TENM3: variants seen among roughly 807,000 people sequenced by gnomAD.
The protein encoded by TENM3 is teneurin transmembrane protein 3.
A neutral mutation model predicts 255.1 loss-of-function variants in TENM3; 63 were observed. The ratio of observed to expected loss-of-function variants is 0.25; its 90% CI spans 0.20 to 0.30. The LOEUF (loss-of-function observed/expected upper bound fraction) is 0.30, where lower values mean the gene tolerates loss of function less well. TENM3 is among the 10% of genes least tolerant of loss of function. The pLI is 1.00. For missense variants in TENM3, 2,929 were observed against 3,461.1 expected, an observed-to-expected ratio of 0.85 and a Z score of 3.86; for synonymous variants, 1,306 against 1,322.3, an observed-to-expected ratio of 0.99 and a Z score of 0.27.
chr4:182,204,237 A>C (rs371322226), intron 1 of TENM3, among the ~76,000 whole-genome samples: 24 of 152,308 alleles, frequency 1.6e-4, no homozygotes, highest in African/African-American at 5.5e-4. Flanking sequence ...TACAGATTTC[A>C]AATGGTGGTG....
At chr4:181,572,960 T>C in the TENM3 span, among the ~76,000 whole-genome samples, 1 of 152,152 alleles carries the variant, frequency 6.6e-6, no homozygotes, top group African/African-American at 2.4e-5. Flanking sequence ...GGTTTTAACT[T>C]TTAGCTCCCA....
chr4:182,431,015 A>AT (rs772863245), intron 3 of TENM3, among the ~76,000 whole-genome samples: 1 of 78,454 alleles, frequency 1.3e-5, no homozygotes, highest in Non-Finnish European at 2.6e-5. Flanking sequence ...CCATCTCTAA[A>AT]TAAATAAATA....
chr4:182,766,535 T>A (rs1763734233), intron 22 of TENM3, among the ~76,000 whole-genome samples: 1 of 152,186 alleles, frequency 6.6e-6, no homozygotes, highest in South Asian at 2.1e-4. Context: ...CATTATCACT[T>A]TGTCAGTTCT....
the TENM3 span, among the ~76,000 whole-genome samples, chr4:182,101,114 A>AGAAG: frequency 4.1e-4 from 2 of 4,890 alleles, no homozygotes; most frequent in Non-Finnish European, 6.5e-4. Context: ...GAGGAAGGAA[A>AGAAG]GAAGGAAGGA....
chr4:181,724,042 T>C, the TENM3 span, among the ~76,000 whole-genome samples: 2 of 152,228 alleles, frequency 1.3e-5, no homozygotes, highest in Non-Finnish European at 2.9e-5. Flanking sequence ...AGCAGGCCTA[T>C]AAAAGCTCAG....
At chr4:182,406,439 G>A (rs1452984299) in intron 3 of TENM3, among the ~76,000 whole-genome samples, 1 of 152,212 alleles carries the variant, frequency 6.6e-6, no homozygotes, top group Non-Finnish European at 1.5e-5. Flanking sequence ...AGAAGAATTA[G>A]TCAGCATTGG....
the TENM3 span, among the ~76,000 whole-genome samples, chr4:182,089,955 T>C: frequency 6.6e-6 from 1 of 152,216 alleles, no homozygotes; most frequent in Admixed American, 6.5e-5. Context: ...TATGCTATCA[T>C]ATTCACAAAG....
chr4:181,527,625 GT>G, the TENM3 span, among the ~76,000 whole-genome samples: 5,951 of 128,272 alleles, frequency 0.046, 160 homozygotes, highest in African/African-American at 0.089. Context: ...GCCAGGTTTT[GT>G]TTTTTTTTTT....
the TENM3 span, chr4:181,980,015 T>A: frequency 6.6e-6 from 1 of 152,228 alleles, no homozygotes; most frequent in Non-Finnish European, 1.5e-5. Flanking sequence ...GTTGAAAGCC[T>A]CTTTTGGAAG....
At chr4:182,620,965 A>G (rs1025168087) in intron 4 of TENM3, among the ~76,000 whole-genome samples, 1 of 152,156 alleles carries the variant, frequency 6.6e-6, no homozygotes, top group Non-Finnish European at 1.5e-5. Context: ...GGATCCCCTG[A>G]GGTCAGGAGA....
the TENM3 span, among the ~76,000 whole-genome samples, chr4:181,871,575 T>A: frequency 1.3e-5 from 2 of 152,094 alleles, no homozygotes; most frequent in African/African-American, 4.8e-5. Flanking sequence ...TTGTACTGTC[T>A]CAGACTATCC....
At chr4:182,167,403 G>A (rs1751790687) in intron 1 of TENM3, among the ~76,000 whole-genome samples, 1 of 152,072 alleles carries the variant, frequency 6.6e-6, no homozygotes, top group Non-Finnish European at 1.5e-5. Context: ...ATTTGCTCTT[G>A]TATTAAATAC....
At chr4:181,995,635 T>C in the TENM3 span, among the ~76,000 whole-genome samples, 1 of 152,122 alleles carries the variant, frequency 6.6e-6, no homozygotes, top group African/African-American at 2.4e-5. Context: ...TCAAAAACAA[T>C]CATCTGTATT....
the TENM3 span, among the ~76,000 whole-genome samples, chr4:182,011,921 T>A: frequency 6.6e-6 from 1 of 152,094 alleles, no homozygotes; most frequent in Admixed American, 6.6e-5. Context: ...TTTGGAGAAA[T>A]AAACCAGTGT....
chr4:182,686,881 C>A (rs1443607435), intron 11 of TENM3, among the ~76,000 whole-genome samples: 5 of 152,108 alleles, frequency 3.3e-5, no homozygotes, highest in Non-Finnish European at 5.9e-5. Context: ...TGAAGTTAAT[C>A]AAACTATCTT....
chr4:181,808,442 A>C, the TENM3 span, among the ~76,000 whole-genome samples: 1 of 152,222 alleles, frequency 6.6e-6, no homozygotes, highest in South Asian at 2.1e-4. Context: ...AAATAGGAAA[A>C]AAATTCTAGT....
the TENM3 span, among the ~76,000 whole-genome samples, chr4:181,589,106 T>C: frequency 1.3e-5 from 2 of 152,208 alleles, no homozygotes; most frequent in Non-Finnish European, 2.9e-5. Context: ...TTACCGACTC[T>C]AGAACATTTT....
chr4:182,224,895 C>T (rs191817932), intron 1 of TENM3, among the ~76,000 whole-genome samples: 39 of 152,142 alleles, frequency 2.6e-4, no homozygotes, highest in African/African-American at 8.9e-4. Flanking sequence ...CGCCGCCACA[C>T]CTGGCTAATT....
At chr4:182,709,116 G>A (rs992324079) in intron 12 of TENM3, among the ~76,000 whole-genome samples, 5 of 151,698 alleles carry the variant, frequency 3.3e-5, no homozygotes, top group Non-Finnish European at 5.9e-5. Flanking sequence ...CCAAGTAGCT[G>A]GGACTACAGG....
Sources: allele counts gnomAD v4.1 joint callset (sites outside exome capture counted in the v4.1 genomes callset), GRCh38; gene constraint gnomAD v4.1.1; transcripts MANE v1.5; gene names NCBI Gene and HGNC (gene_info 2026-07-23, HGNC 2026-07-21).